ATL2: variants seen among roughly 807,000 people sequenced by gnomAD.
ATL2 encodes the protein atlastin-2.
Under a neutral mutation model 73.9 loss-of-function variants are expected in ATL2, and 31 were observed. That is an observed-to-expected ratio of 0.42 (90% CI 0.32 to 0.57). The LOEUF (loss-of-function observed/expected upper bound fraction) is 0.57. ATL2 is among the 20% of genes least tolerant of loss of function. The pLI is 0.14. For missense variants in ATL2, 738 were observed against 702.6 expected (o/e 1.05, Z -0.57); for synonymous variants, 291 against 237.5 (o/e 1.23, Z -2.07).
intron 1 of ATL2, among the ~76,000 whole-genome samples, chr2:38,367,259 T>G (rs1402211623): frequency 1.3e-5 from 2 of 151,960 alleles, no homozygotes; most frequent in Non-Finnish European, 2.9e-5. Flanking sequence ...CTGAAACAGA[T>G]GCCCACTCTC....
At chr2:38,373,126 A>G (rs1671776768) in intron 1 of ATL2, among the ~76,000 whole-genome samples, 1 of 152,172 alleles carries the variant, frequency 6.6e-6, no homozygotes, top group South Asian at 2.1e-4. Context: ...ACTACCTTAT[A>G]TGAGGGCTCC....
In ATL2 at chr2:38,309,662, A is replaced by G. The variant is rs574424413; in HGVS notation, c.944-156T>C. On this transcript the variant is annotated intron_variant, in intron 8 of 12. Transcript: ENST00000378954. ...AAAAAAAGCTCATCCAACATGCCATATCTCATAGGAAAAAATATAATCCCC... is the reference window on the plus strand; with the variant it reads ...AAAAAAAGCTCATCCAACATGCCATGTCTCATAGGAAAAAATATAATCCCC... Among the ~76,000 whole-genome samples the G allele has an allele frequency of 3.3e-5, 5 of 152,234 alleles. No homozygotes were observed. The East Asian group carries it at 7.7e-4, about 23-fold the overall frequency.
At chr2:38,299,475 G>C in intron 10 of ATL2, 148 bp from the exon 11 acceptor site, 2 of 802,420 alleles carry the variant, frequency 2.5e-6, no homozygotes, top group Non-Finnish European at 3.6e-6. Flanking sequence ...GCAAGGGAAC[G>C]TTGGTATAAA....
chr2:38,368,244 G>A (rs1379071295), intron 1 of ATL2, among the ~76,000 whole-genome samples: 3 of 145,760 alleles, frequency 2.1e-5, no homozygotes, highest in Admixed American at 6.9e-5. Flanking sequence ...TCTAAAATAA[G>A]GACTTTTTTT....
At chr2:38,377,079 G>A (rs921926289) in intron 1 of ATL2, 64 bp downstream of exon 1, 3 of 1,510,728 alleles carry the variant, frequency 2.0e-6, no homozygotes, top group East Asian at 2.5e-5. Flanking sequence ...CGGTGCCCGC[G>A]AGCCCGAGCA....
chr2:38,314,561 C>T lies in ATL2; in HGVS notation c.711+47G>A, dbSNP rs375135314. 6 of 1,409,564 alleles carry T rather than the reference C, an allele frequency of 4.3e-6. No individual in the cohort carries two copies. In the African/African-American group the frequency reaches 7.1e-5, roughly 17 times the overall value. 87.3% of individuals were successfully genotyped at this position (1,409,564 alleles called of 1,614,324 possible). A position where few individuals can be genotyped will look rare whatever the true frequency, so the allele number is the denominator to read the frequency against. ...AAAATTACAAACTGAGGTGGCTTCA[C>T]AACTTCTCATAGGCTAATCTTTAAA... On this transcript the variant is annotated intron_variant, in intron 6 of 12. Coordinates refer to ENST00000378954, the MANE Select transcript of ATL2 (RefSeq NM_001135673.4).
chr2:38,321,343 T>A (rs2148441457), intron 2 of ATL2, among the ~76,000 whole-genome samples: 1 of 152,270 alleles, frequency 6.6e-6, no homozygotes, highest in East Asian at 1.9e-4. Flanking sequence ...TTTTCTTCAG[T>A]TTTCAATACC....
In ATL2 at chr2:38,318,867, G is replaced by C; in HGVS notation, c.498+18C>G. 6.2e-7 allele frequency: 1 copy of C among 1,609,120 alleles called. No individual in the cohort carries two copies. Among genetic ancestry groups the C allele is most frequent in the Non-Finnish European group, 8.5e-7 (1 of 1,177,972 alleles). Reference sequence around the variant, plus strand: ...CCAAGAAAGAATACAGGGTAGAAAAGTATAAACAGAATTTTACTTTAGTTC... The same window carrying C: ...CCAAGAAAGAATACAGGGTAGAAAACTATAAACAGAATTTTACTTTAGTTC... On this transcript the variant is annotated intron_variant, in intron 3 of 12. Transcript: ENST00000378954.
intron 2 of ATL2, among the ~76,000 whole-genome samples, chr2:38,333,562 A>T (rs557554123): frequency 6.6e-6 from 1 of 152,348 alleles, no homozygotes; most frequent in Admixed American, 6.5e-5. Flanking sequence ...CAGTTACTTT[A>T]GAAACAGTTA....
At chr2:38,332,396 G>A (rs1413287882) in intron 2 of ATL2, among the ~76,000 whole-genome samples, 1 of 151,954 alleles carries the variant, frequency 6.6e-6, no homozygotes, top group Non-Finnish European at 1.5e-5. Context: ...TGTAGAGATG[G>A]AGTCTCCCTA....
intron 1 of ATL2, among the ~76,000 whole-genome samples, chr2:38,344,162 T>G (rs1669889443): frequency 6.6e-6 from 1 of 152,062 alleles, no homozygotes; most frequent in African/African-American, 2.4e-5. Context: ...CTGAGCCCTG[T>G]ATTATTCTGT....
At chr2:38,345,995 G>A (rs1669996528) in intron 1 of ATL2, among the ~76,000 whole-genome samples, 1 of 152,202 alleles carries the variant, frequency 6.6e-6, no homozygotes, top group African/African-American at 2.4e-5. Flanking sequence ...CAATCCAACA[G>A]GAGAAGCTTT....
intron 2 of ATL2, among the ~76,000 whole-genome samples, chr2:38,324,023 C>T (rs1668466632): frequency 6.6e-6 from 1 of 152,236 alleles, no homozygotes; most frequent in Non-Finnish European, 1.5e-5. Flanking sequence ...CGCCTGTAAT[C>T]CCAGCACTTT....
chr2:38,376,972 G>A (rs1034112408), intron 1 of ATL2, among the ~76,000 whole-genome samples, 171 bp downstream of exon 1: 2 of 151,160 alleles, frequency 1.3e-5, no homozygotes, highest in Non-Finnish European at 3.0e-5. Flanking sequence ...GCGCGCTGCG[G>A]GAGCGCGGGG....
chr2:38,361,302 C>T (rs972860659), intron 1 of ATL2, among the ~76,000 whole-genome samples: 44 of 146,256 alleles, frequency 3.0e-4, no homozygotes, highest in African/African-American at 1.0e-3. Flanking sequence ...TGCAGCGAGC[C>T]GAGATCGCGC....
At chr2:38,312,706 T>TAAAAA (rs368819561) in intron 7 of ATL2, among the ~76,000 whole-genome samples, 22 of 120,302 alleles carry the variant, frequency 1.8e-4, no homozygotes, top group African/African-American at 7.9e-4. Flanking sequence ...GAGACTGTCT[T>TAAAAA]AAAAAAAAAA....
rs375135314 is a variant in ATL2, at chr2:38,314,561, C to G, written c.711+47G>C. On this transcript the variant is annotated intron_variant, in intron 6 of 12. Coordinates refer to ENST00000378954, the MANE Select transcript of ATL2 (RefSeq NM_001135673.4). The stretch of plus-strand genomic sequence containing the variant: ...AAAATTACAAACTGAGGTGGCTTCA[C>G]AACTTCTCATAGGCTAATCTTTAAA... 5 of 1,409,564 alleles carry G rather than the reference C, an allele frequency of 3.5e-6. No homozygotes were observed. The African/African-American group carries it at 5.7e-5, about 16-fold the overall frequency. 87.3% of individuals were successfully genotyped at this position (1,409,564 alleles called of 1,614,324 possible).
At chr2:38,319,179 C>T (rs1668186143) in intron 2 of ATL2, among the ~76,000 whole-genome samples, 160 bp from the exon 3 acceptor site, 1 of 152,108 alleles carries the variant, frequency 6.6e-6, no homozygotes, top group South Asian at 2.1e-4. Flanking sequence ...TCCTTAAATC[C>T]CATGTGGGGT....
intron 1 of ATL2, among the ~76,000 whole-genome samples, chr2:38,347,155 A>G (rs1379105469): frequency 6.6e-6 from 1 of 152,202 alleles, no homozygotes; most frequent in Non-Finnish European, 1.5e-5. Flanking sequence ...AAAATAGACA[A>G]ACAAAAGAAG....
Sources: gnomAD v4.1 joint callset for allele counts (sites outside exome capture counted in the v4.1 genomes callset) on GRCh38, gnomAD v4.1.1 for gene constraint, MANE v1.5 for transcripts, NCBI Gene and HGNC (gene_info 2026-07-23, HGNC 2026-07-21) for gene names.